The following DORIP1 variants were observed in gnomAD, a reference collection of about 807,000 sequenced individuals.
DORIP1 encodes the protein dopamine receptor interacting protein 1.
chr14:44,899,103 T>A, the DORIP1 span: 3 of 152,250 alleles, frequency 2.0e-5, no homozygotes, highest in African/African-American at 7.2e-5. Flanking sequence ...ATGTTGTTAG[T>A]TTATTTGCTT....
At chr14:44,905,534 G>C in the DORIP1 span, 1 of 1,510,984 alleles carries the variant, frequency 6.6e-7, no homozygotes. Context: ...GTTTATATTC[G>C]AGCAACAGAG....
the DORIP1 span, chr14:44,904,747 G>C: frequency 4.9e-6 from 2 of 406,140 alleles, no homozygotes; most frequent in African/African-American, 2.1e-5. Context: ...GACAGAATTG[G>C]GTTCAAATCC....
At chr14:44,906,182 T>G in the DORIP1 span, 1 of 151,838 alleles carries the variant, frequency 6.6e-6, no homozygotes, top group Admixed American at 6.6e-5. Context: ...TAAAGTATTA[T>G]AAACCTGCCA....
At chr14:44,901,489 T>C in the DORIP1 span, among the ~76,000 whole-genome samples, 1 of 152,238 alleles carries the variant, frequency 6.6e-6, no homozygotes, top group Non-Finnish European at 1.5e-5. Flanking sequence ...ATAATTACTT[T>C]ACAAAACCAG....
At chr14:44,903,925 A>G in the DORIP1 span, 1 of 977,564 alleles carries the variant, frequency 1.0e-6, no homozygotes, top group Non-Finnish European at 1.2e-6. Context: ...CCGGTTAATC[A>G]AGATTTTACT....
the DORIP1 span, among the ~76,000 whole-genome samples, chr14:44,897,863 G>T: frequency 6.6e-6 from 1 of 152,214 alleles, no homozygotes; most frequent in African/African-American, 2.4e-5. Flanking sequence ...GTCCCGCGCT[G>T]CTGGGAGCGG....
At chr14:44,897,516 G>GGCGGCGGCGGCGACGGGT in the DORIP1 span, 5 of 202,244 alleles carry the variant, frequency 2.5e-5, no homozygotes, top group Admixed American at 1.9e-4. Context: ...TCCATGAGCA[G>GGCGGCGGCGGCGACGGGT]GCGGCGGCGG....
the DORIP1 span, chr14:44,906,709 C>T: frequency 6.6e-6 from 1 of 152,526 alleles, no homozygotes; most frequent in Non-Finnish European, 1.5e-5. Context: ...TAGTTCACTT[C>T]AGGTTTGGGA....
the DORIP1 span, among the ~76,000 whole-genome samples, chr14:44,902,675 G>A: frequency 1.3e-5 from 2 of 151,896 alleles, no homozygotes; most frequent in African/African-American, 4.8e-5. Flanking sequence ...AAACTATAAT[G>A]AAATATTTAT....
the DORIP1 span, chr14:44,905,019 C>A: frequency 5.5e-6 from 1 of 183,240 alleles, no homozygotes; most frequent in Non-Finnish European, 1.1e-5. Context: ...TGCAGGTGGT[C>A]ATAATTTAAA....
At chr14:44,905,143 A>T in the DORIP1 span, 1 of 356,912 alleles carries the variant, frequency 2.8e-6, no homozygotes, top group Non-Finnish European at 4.9e-6. Context: ...CTCTTTTTTA[A>T]AAGAAACATA....
the DORIP1 span, chr14:44,900,494 G>C: frequency 2.5e-6 from 4 of 1,575,898 alleles, no homozygotes; most frequent in Non-Finnish European, 3.4e-6. Flanking sequence ...AACCAAGATC[G>C]ATCATTTTGT....
the DORIP1 span, chr14:44,897,391 G>A: frequency 6.3e-6 from 1 of 159,172 alleles, no homozygotes; most frequent in African/African-American, 2.4e-5. Flanking sequence ...CCGCCGCGGC[G>A]GCTGCCATGG....
At chr14:44,901,993 T>C in the DORIP1 span, among the ~76,000 whole-genome samples, 1 of 152,158 alleles carries the variant, frequency 6.6e-6, no homozygotes, top group Non-Finnish European at 1.5e-5. Flanking sequence ...CAGACCCAAA[T>C]GCATTTTTGG....
chr14:44,903,504 C>T, the DORIP1 span: 1 of 1,162,612 alleles, frequency 8.6e-7, no homozygotes, highest in Non-Finnish European at 1.1e-6. Flanking sequence ...TTCTTTTTTC[C>T]CCCCCCACTG....
the DORIP1 span, chr14:44,900,625 A>G: frequency 1.2e-6 from 2 of 1,606,454 alleles, no homozygotes; most frequent in East Asian, 2.2e-5. Context: ...TGGATTCTTG[A>G]TGTTATTATA....
the DORIP1 span, chr14:44,904,171 G>C: frequency 1.0e-6 from 1 of 985,270 alleles, no homozygotes; most frequent in Non-Finnish European, 1.2e-6. Flanking sequence ...GCATTTCCTG[G>C]AGTTTTAAAC....
chr14:44,898,058 T>C, the DORIP1 span, among the ~76,000 whole-genome samples: 4 of 152,252 alleles, frequency 2.6e-5, no homozygotes, highest in East Asian at 3.9e-4. Flanking sequence ...GTCAAAGAAA[T>C]AGAGGTCAGG....
At chr14:44,902,487 C>T in the DORIP1 span, among the ~76,000 whole-genome samples, 3 of 152,042 alleles carry the variant, frequency 2.0e-5, no homozygotes, top group African/African-American at 7.2e-5. Context: ...TACCACCATG[C>T]CCGGCTAATT....
Sources: allele counts gnomAD v4.1 joint callset (sites outside exome capture counted in the v4.1 genomes callset), GRCh38; gene constraint gnomAD v4.1.1; transcripts MANE v1.5; gene names NCBI Gene and HGNC (gene_info 2026-07-23, HGNC 2026-07-21).